The following PARP16 variants were observed in gnomAD, a reference collection of about 807,000 sequenced individuals.
The protein encoded by PARP16 is poly(ADP-ribose) polymerase family member 16, also known as protein mono-ADP-ribosyltransferase PARP16.
In PARP16, 31 loss-of-function variants were observed where a neutral mutation model predicts 35.0. That is an observed-to-expected ratio of 0.88 (90% CI 0.66 to 1.19). PARP16 has a LOEUF of 1.19. Ranked by LOEUF, PARP16 falls within the 50% of genes most tolerant of loss-of-function variation. PARP16 has a pLI of 0.00. For synonymous variants in PARP16, 162 were observed against 169.5 expected, an observed-to-expected ratio of 0.96 and a Z score of 0.34; for missense variants, 424 against 411.2, an observed-to-expected ratio of 1.03 and a Z score of -0.27.
chr15:65,259,207 G>A lies in PARP16; in HGVS notation c.*200C>T. 1 of 628,776 alleles carries A rather than the reference G, an allele frequency of 1.6e-6. No individual in the cohort carries two copies. Among genetic ancestry groups the A allele is most frequent in the Non-Finnish European group, 2.9e-6 (1 of 348,580 alleles). 38.9% of individuals were successfully genotyped at this position (628,776 alleles called of 1,614,324 possible). A position where few individuals can be genotyped will look rare whatever the true frequency, so the allele number is the denominator to read the frequency against. On this transcript the variant is annotated 3_prime_UTR_variant, in exon 6 of 6. Transcript: ENST00000649807. ...ACTCCCCTAAAACCTAAGAGTGAGG[G>A]ACTAGTAGTCCCCGTTGACTGGAGT...
At chr15:65,265,768 CGCTGCTGGTCCA>C (rs1281760942) in intron 3 of PARP16, among the ~76,000 whole-genome samples, 15 of 152,152 alleles carry the variant, frequency 9.9e-5, no homozygotes, top group African/African-American at 3.4e-4. Context: ...GTGATGCAGA[CGCTGCTGGTCCA>C]GGGAACGCAC....
At chr15:65,269,498 T>C (rs1595701735) in intron 2 of PARP16, among the ~76,000 whole-genome samples, 1 of 152,266 alleles carries the variant, frequency 6.6e-6, no homozygotes, top group Non-Finnish European at 1.5e-5. Context: ...ACCCAGCCAG[T>C]GGTTTTCAAA....
Position 65,270,951 on chromosome 15 carries a change from C to CTG in PARP16, c.294_295dup (p.Ser99ThrfsTer14), listed in dbSNP as rs769315207. 1.0e-4 allele frequency: 161 copies of CTG among 1,614,074 alleles called. No individual in the cohort carries two copies. The highest frequency in any genetic ancestry group is 1.3e-4 in the Non-Finnish European group (156 of 1,180,042). On this transcript the variant is annotated frameshift_variant, in exon 2 of 6. Coordinates refer to ENST00000649807, the MANE Select transcript of PARP16 (RefSeq NM_001316943.2). LOFTEE classifies it high-confidence loss of function. The stretch of plus-strand genomic sequence containing the variant: ...AAGTCTCACCTCTGCCTTCCCTGCA[C>CTG]TGTGGATTGTCAGGACCTTTGAGGA...
chr15:65,257,487 C>T (rs1461581070), downstream of PARP16, among the ~76,000 whole-genome samples: 1 of 151,060 alleles, frequency 6.6e-6, no homozygotes, highest in East Asian at 1.9e-4. Context: ...AAAAATGAGC[C>T]AGGCATGGTG....
At chr15:65,241,661 G>A (rs1031094304) in intron 3 of PARP16, among the ~76,000 whole-genome samples, 5 of 151,954 alleles carry the variant, frequency 3.3e-5, no homozygotes, top group East Asian at 3.8e-4. Context: ...CAAAGTGTCC[G>A]TTGAAAATTT....
rs1428757493 is a variant in PARP16 at position 65,263,293 on chromosome 15, G to C, written c.547C>G (p.Leu183Val). The part of the protein sequence containing the change: ...KTSLFGEGTY[L>V]TSDLSLALIY... Reference sequence around the variant, plus strand: ...AGGGCCAGGCTCAAGTCACTGGTGAGGTAGGTCCCCTCTCCGAACAAGGAT... The same window carrying C: ...AGGGCCAGGCTCAAGTCACTGGTGACGTAGGTCCCCTCTCCGAACAAGGAT... Residue 183 changes from leucine (L) to valine (V), a missense_variant, in exon 4 of 6, where the codon CTC becomes GTC. Coordinates refer to ENST00000649807, the MANE Select transcript of PARP16 (RefSeq NM_001316943.2). 4 of 1,602,240 alleles carry C rather than the reference G, an allele frequency of 2.5e-6. No homozygotes were observed. The highest frequency in any genetic ancestry group is 1.7e-4 in the Middle Eastern group (1 of 5,988).
Position 65,239,452 on chromosome 15 carries a change from A to AAAAAAAG in PARP16, c.*98-4630_*98-4629insCTTTTTT, listed in dbSNP as rs34910178. Among the ~76,000 whole-genome samples the AAAAAAAG allele has an allele frequency of 5.5e-4, 62 of 113,056 alleles. 1 individual carries two copies. The highest frequency in any genetic ancestry group is 1.1e-3 in the South Asian group (3 of 2,816). The allele number at this position is 113,056 out of a possible 152,430, so 74.2% of individuals were successfully genotyped here. On this transcript the variant is annotated intron_variant and NMD_transcript_variant, in intron 3 of 3. Coordinates refer to the PARP16 transcript ENST00000559805. Reference sequence around the variant, plus strand: ...AAAAAAAAAAAAAAAAAAAAAAAAAAAGAGAGAAAAGAAAAAAAAAAGAAA... The same window carrying AAAAAAAG: ...AAAAAAAAAAAAAAAAAAAAAAAAAAAAAAAAGAGAGAGAAAAGAAAAAAAAAAGAAA...
Position 65,259,521 on chromosome 15 carries a change from C to T in PARP16, c.855G>A (p.Trp285Ter). 6 of 1,614,102 alleles carry T rather than the reference C, an allele frequency of 3.7e-6. No homozygotes were observed. Among genetic ancestry groups the T allele is most frequent in the South Asian group, 1.1e-5 (1 of 91,074 alleles). Reference protein sequence around the residue: ...PPKRASSQLSWFSSHWFTVMI... With the variant: ...PPKRASSQLS ...TGACGGTAAACCAATGGCTGGAAAA[C>T]CAGGAGAGCTGGCTCGAAGCCCTGC... is the stretch of plus-strand genomic sequence containing the variant. The change falls in exon 6 of 6, where the codon TGG becomes TGA. Residue 285 changes from tryptophan (W) to a stop codon, truncating the protein, a stop_gained. Transcript: ENST00000649807. LOFTEE classifies it high-confidence loss of function.
intron 1 of PARP16, among the ~76,000 whole-genome samples, chr15:65,285,231 G>A (rs987841763): frequency 1.3e-5 from 2 of 150,882 alleles, no homozygotes; most frequent in Admixed American, 1.3e-4. Flanking sequence ...TCCGCCTCCC[G>A]GGTTCAAGCG....
At position 65,274,936 on chromosome 15, in the gene PARP16, C is replaced by T. The variant is rs1223292052; in HGVS notation, c.175-3864G>A. On this transcript the variant is annotated intron_variant, in intron 1 of 5. Transcript: ENST00000649807. ...TTCAAGATCAGCCTGGCCAACATGG[C>T]AAAACACCATCTCTACTAAAAATAT... 3.3e-5 allele frequency among the ~76,000 whole-genome samples: 5 copies of T among 152,150 alleles called. No homozygotes were observed. The South Asian group carries it at 1.0e-3, about 32-fold the overall frequency.
intron 3 of PARP16, among the ~76,000 whole-genome samples, chr15:65,240,323 AGTGTGTGTGTGTGTGT>A (rs34811236): frequency 7.9e-6 from 1 of 126,080 alleles, no homozygotes; most frequent in African/African-American, 3.1e-5. Context: ...GGGGGGGGCT[AGTGTGTGTGTGTGTGT>A]GTGTGTGTGT....
In PARP16 at chr15:65,286,851, A is replaced by C; in HGVS notation, c.-425T>G. 1.2e-5 allele frequency: 2 copies of C among 163,944 alleles called. No homozygotes were observed. Among genetic ancestry groups the C allele is most frequent in the East Asian group, 3.4e-4 (2 of 5,960 alleles). 10.2% of individuals were successfully genotyped at this position (163,944 alleles called of 1,614,324 possible). On this transcript the variant is annotated 5_prime_UTR_variant, in exon 1 of 6. Coordinates refer to ENST00000649807, the MANE Select transcript of PARP16 (RefSeq NM_001316943.2). ...CGGCGGGCAGAGCCCACTCTCCGCG[A>C]CGGGCGAGGCTGCTGCGCCGCGCGC...
At chr15:65,277,647 G>A (rs1368662805) in intron 1 of PARP16, among the ~76,000 whole-genome samples, 1 of 152,218 alleles carries the variant, frequency 6.6e-6, no homozygotes, top group African/African-American at 2.4e-5. Context: ...GTGGGGATAT[G>A]AAGCCAGGTG....
At chr15:65,270,805 G>T in intron 2 of PARP16, 130 bp downstream of exon 2, 1 of 867,942 alleles carries the variant, frequency 1.2e-6, no homozygotes, top group Non-Finnish European at 1.9e-6. Flanking sequence ...TAAAGGTGAG[G>T]ACCAGGACTC....
At chr15:65,232,808 C>A (rs2083726), downstream of PARP16, among the ~76,000 whole-genome samples, 61,435 of 151,828 alleles carry the variant, frequency 0.4, 13,794 homozygotes, top group East Asian at 0.86. Context: ...GTAATTACAG[C>A]ACTTTGGAAG....
At chr15:65,248,405 G>A (rs1412695803) in intron 2 of PARP16, among the ~76,000 whole-genome samples, 2 of 152,018 alleles carry the variant, frequency 1.3e-5, no homozygotes, top group Non-Finnish European at 2.9e-5. Context: ...ACAAACACAC[G>A]TAGGCAGGTG....
intron 4 of PARP16, among the ~76,000 whole-genome samples, chr15:65,261,301 G>A (rs2089704709): frequency 6.6e-6 from 1 of 151,484 alleles, no homozygotes. Context: ...GAAGCAAATT[G>A]ATGGCCATAG....
chr15:65,270,891 C>T, intron 2 of PARP16, 44 bp downstream of exon 2: 2 of 1,602,852 alleles, frequency 1.2e-6, no homozygotes, highest in Non-Finnish European at 1.7e-6. Context: ...GTCCTAGAGC[C>T]CTTAGGCCCC....
intron 1 of PARP16, among the ~76,000 whole-genome samples, chr15:65,279,837 T>C (rs942841803): frequency 6.6e-6 from 1 of 151,124 alleles, no homozygotes; most frequent in Non-Finnish European, 1.5e-5. Context: ...GGCTGCACTT[T>C]AAACCAATCA....
Sources: allele counts gnomAD v4.1 joint callset (sites outside exome capture counted in the v4.1 genomes callset), GRCh38; gene constraint gnomAD v4.1.1; transcripts MANE v1.5; gene names NCBI Gene and HGNC (gene_info 2026-07-23, HGNC 2026-07-21).